MACROD2: variants seen among roughly 807,000 people sequenced by gnomAD.
MACROD2 encodes the protein mono-ADP ribosylhydrolase 2.
In MACROD2, 36 loss-of-function variants were observed where a neutral mutation model predicts 70.4. The observed-to-expected ratio is 0.51, with a 90% CI of 0.39 to 0.68. The LOEUF is 0.68. MACROD2 is among the 30% of genes least tolerant of loss of function. MACROD2 has a pLI of 0.00. For missense variants in MACROD2, 496 were observed against 538.4 expected (o/e 0.92, Z 0.78); for synonymous variants, 172 against 178.8 (o/e 0.96, Z 0.30).
At chr20:14,282,706 A>G (rs566861417) in intron 3 of MACROD2, among the ~76,000 whole-genome samples, 2 of 152,304 alleles carry the variant, frequency 1.3e-5, no homozygotes, top group Admixed American at 6.5e-5. Context: ...GAAGCTTACA[A>G]TCATGGTGGA....
intron 6 of MACROD2, among the ~76,000 whole-genome samples, chr20:15,291,425 A>T (rs2077540219): frequency 6.6e-6 from 1 of 152,238 alleles, no homozygotes; most frequent in Non-Finnish European, 1.5e-5. Context: ...AGCAGATATT[A>T]TCCATTGACA....
intron 5 of MACROD2, among the ~76,000 whole-genome samples, chr20:15,161,111 A>G (rs994360804): frequency 6.6e-6 from 1 of 151,992 alleles, no homozygotes; most frequent in Non-Finnish European, 1.5e-5. Flanking sequence ...TGGATTGGAC[A>G]TGTCAGTTCA....
At chr20:14,253,927 CA>C (rs954105325) in intron 3 of MACROD2, among the ~76,000 whole-genome samples, 4 of 151,596 alleles carry the variant, frequency 2.6e-5, no homozygotes, top group Non-Finnish European at 5.9e-5. Context: ...AAATGTAAAA[CA>C]AAAAATTAAA....
At chr20:15,397,291 CTTTTTAATTT>C (rs2045872420) in intron 6 of MACROD2, among the ~76,000 whole-genome samples, 1 of 151,760 alleles carries the variant, frequency 6.6e-6, no homozygotes, top group Admixed American at 6.6e-5. Flanking sequence ...TTTCTTTTTT[CTTTTTAATTT>C]TTTTTTATTT....
At chr20:14,140,477 C>A (rs375471577) in intron 3 of MACROD2, among the ~76,000 whole-genome samples, 46 of 152,268 alleles carry the variant, frequency 3.0e-4, no homozygotes, top group African/African-American at 8.7e-4. Context: ...TGGCCTGATT[C>A]ATACAACTAG....
chr20:15,560,492 A>ATG (rs1022162676), intron 8 of MACROD2, among the ~76,000 whole-genome samples: 37 of 152,244 alleles, frequency 2.4e-4, no homozygotes, highest in South Asian at 4.1e-4. Context: ...GCTGAGTTCA[A>ATG]TGACTCATGC....
chr20:15,129,781 T>G (rs1024567550), intron 5 of MACROD2, among the ~76,000 whole-genome samples: 1 of 152,092 alleles, frequency 6.6e-6, no homozygotes, highest in Non-Finnish European at 1.5e-5. Flanking sequence ...ATGGGCTTGG[T>G]GAAACAGATG....
At chr20:15,116,280 C>G (rs1329818625) in intron 5 of MACROD2, among the ~76,000 whole-genome samples, 2 of 152,174 alleles carry the variant, frequency 1.3e-5, no homozygotes, top group Non-Finnish European at 2.9e-5. Flanking sequence ...TCCTGTTCCT[C>G]CTCCTCAGCC....
intron 2 of MACROD2, among the ~76,000 whole-genome samples, chr20:14,046,058 C>T (rs185877670): frequency 1.3e-5 from 2 of 152,138 alleles, no homozygotes; most frequent in African/African-American, 2.4e-5. Context: ...AAAAGACTCA[C>T]AGTTGGTGTC....
chr20:14,396,479 T>C (rs749744303), intron 3 of MACROD2, among the ~76,000 whole-genome samples: 12 of 152,324 alleles, frequency 7.9e-5, no homozygotes, highest in South Asian at 2.1e-4. Flanking sequence ...TTCTTGGTAA[T>C]ATCATTTTCT....
At chr20:14,347,070 G>A (rs2083071689) in intron 3 of MACROD2, among the ~76,000 whole-genome samples, 1 of 152,190 alleles carries the variant, frequency 6.6e-6, no homozygotes, top group South Asian at 2.1e-4. Flanking sequence ...TTTAACCAAT[G>A]TGCTCTAGAT....
chr20:14,621,540 T>C (rs1983825766), intron 4 of MACROD2, among the ~76,000 whole-genome samples: 1 of 152,282 alleles, frequency 6.6e-6, no homozygotes, highest in African/African-American at 2.4e-5. Context: ...TCATGCAAAA[T>C]TTGAAACTTC....
chr20:14,423,640 C>T (rs1393253228), intron 3 of MACROD2, among the ~76,000 whole-genome samples: 5 of 135,190 alleles, frequency 3.7e-5, no homozygotes, highest in Non-Finnish European at 1.5e-5. Context: ...GCGGAGCTTG[C>T]GTTGAGCTGA....
intron 6 of MACROD2, among the ~76,000 whole-genome samples, chr20:15,377,133 G>A (rs1017682065): frequency 3.3e-5 from 5 of 152,052 alleles, no homozygotes; most frequent in African/African-American, 4.8e-5. Flanking sequence ...CTCGTGATCC[G>A]CCCGCTTCGG....
At chr20:15,708,528 G>A (rs898896669) in intron 8 of MACROD2, among the ~76,000 whole-genome samples, 1 of 152,140 alleles carries the variant, frequency 6.6e-6, no homozygotes, top group Admixed American at 6.5e-5. Context: ...GAGCAAGTGA[G>A]GAGAAGATAG....
intron 5 of MACROD2, among the ~76,000 whole-genome samples, chr20:14,806,553 T>C (rs115831226): frequency 0.013 from 2,045 of 152,162 alleles, 45 homozygotes; most frequent in African/African-American, 0.047. Context: ...AATTTTCTTT[T>C]TGTACCCCAC....
intron 8 of MACROD2, among the ~76,000 whole-genome samples, chr20:15,824,874 A>G (rs1204937347): frequency 2.6e-5 from 4 of 151,810 alleles, no homozygotes; most frequent in Non-Finnish European, 4.4e-5. Flanking sequence ...ATGTTTGTTG[A>G]TTTAGTGAAG....
intron 5 of MACROD2, among the ~76,000 whole-genome samples, chr20:15,000,239 CACAA>C (rs1404184192): frequency 3.3e-5 from 5 of 152,066 alleles, no homozygotes; most frequent in African/African-American, 1.2e-4. Context: ...CAAAACAAAA[CACAA>C]ACAAACAAAT....
chr20:15,104,621 C>T (rs758548628), intron 5 of MACROD2, among the ~76,000 whole-genome samples: 9 of 152,112 alleles, frequency 5.9e-5, no homozygotes, highest in Non-Finnish European at 8.8e-5. Flanking sequence ...CTGGAATAGT[C>T]TACATACCTG....
Sources: gnomAD v4.1 joint callset for allele counts (sites outside exome capture counted in the v4.1 genomes callset) on GRCh38, gnomAD v4.1.1 for gene constraint, MANE v1.5 for transcripts, NCBI Gene and HGNC (gene_info 2026-07-23, HGNC 2026-07-21) for gene names.